NELL1: variants seen among roughly 807,000 people sequenced by gnomAD.
NELL1 encodes the protein protein kinase C-binding protein NELL1.
In NELL1, 76 loss-of-function variants were observed where a neutral mutation model predicts 107.4. The observed-to-expected ratio is 0.71, with a 90% CI of 0.59 to 0.86. NELL1 has a LOEUF of 0.86. Ranked by LOEUF, NELL1 falls within the 40% of genes least tolerant of loss-of-function variation. The probability of loss-of-function intolerance (pLI) is 0.00; values close to 1 mark genes in which losing one functional copy is unlikely to be tolerated. For missense variants in NELL1, 1,024 were observed against 1,005.5 expected, an observed-to-expected ratio of 1.02 and a Z score of -0.25; for synonymous variants, 353 against 341.2, an observed-to-expected ratio of 1.03 and a Z score of -0.38.
chr11:21,524,568 T>G (rs979465505), intron 15 of NELL1, among the ~76,000 whole-genome samples: 7 of 152,010 alleles, frequency 4.6e-5, no homozygotes, highest in African/African-American at 1.4e-4. Flanking sequence ...TCAAATTCAA[T>G]GGAATATGGA....
intron 16 of NELL1, among the ~76,000 whole-genome samples, chr11:21,545,153 T>C (rs1283175744): frequency 1.3e-5 from 2 of 152,144 alleles, no homozygotes; most frequent in Middle Eastern, 3.4e-3. Context: ...TTGACAAACA[T>C]ATTTCTTTTT....
At chr11:21,401,376 A>G (rs754137840) in intron 15 of NELL1, among the ~76,000 whole-genome samples, 1 of 151,912 alleles carries the variant, frequency 6.6e-6, no homozygotes, top group Non-Finnish European at 1.5e-5. Context: ...TTTGAGAAAT[A>G]TGAAATGGCA....
At position 20,887,968 on chromosome 11, in the gene NELL1, T is replaced by C. The variant is rs533959926; in HGVS notation, c.603+2428T>C. On this transcript the variant is annotated intron_variant, in intron 5 of 19. Coordinates refer to ENST00000357134, the MANE Select transcript of NELL1 (RefSeq NM_006157.5). ...AAATGAAATTAGCAGGTAAAGAATT[T>C]TTTTTTAATTTTTTAAAAAACTTCT... Among the ~76,000 whole-genome samples the C allele has an allele frequency of 5.9e-5, 9 of 152,246 alleles. 1 individual carries two copies. In the South Asian group the frequency reaches 1.9e-3, roughly 32 times the overall value.
chr11:21,188,897 C>A (rs1856990154), intron 13 of NELL1, among the ~76,000 whole-genome samples: 1 of 151,800 alleles, frequency 6.6e-6, no homozygotes, highest in African/African-American at 2.4e-5. Context: ...ATATTGGACC[C>A]ATCATTGAAT....
At position 21,560,271 on chromosome 11, in the gene NELL1, C is replaced by T. The variant is rs1856817358; in HGVS notation, c.1869C>T (p.Leu623=). Residue 623 remains leucine (L), a synonymous_variant, in exon 17 of 20, where the codon CTC becomes CTT. Coordinates refer to ENST00000357134, the MANE Select transcript of NELL1 (RefSeq NM_006157.5). The part of the protein sequence containing the change: ...CINLAGGFDC[L]CPSGPSCSGD... ...ACCTGGCAGGGGGCTTTGACTGTCT[C>T]TGCCCCTCTGGGCCCTCCTGCTCTG... 6.2e-7 allele frequency: 1 copy of T among 1,613,610 alleles called. No individual in the cohort carries two copies. The highest frequency in any genetic ancestry group is 8.5e-7 in the Non-Finnish European group (1 of 1,179,732).
intron 4 of NELL1, among the ~76,000 whole-genome samples, chr11:20,875,147 C>T (rs1479786152): frequency 3.3e-5 from 5 of 152,124 alleles, no homozygotes; most frequent in Admixed American, 1.3e-4. Context: ...GATCTTAGCT[C>T]GCTGTTGACC....
At chr11:21,568,211 AAC>A (rs1857016388) in intron 17 of NELL1, among the ~76,000 whole-genome samples, 1 of 151,878 alleles carries the variant, frequency 6.6e-6, no homozygotes, top group Non-Finnish European at 1.5e-5. Context: ...AGGCAATTGT[AAC>A]ACAGTGGTGA....
chr11:21,249,402 T>A (rs1251382790), intron 14 of NELL1, among the ~76,000 whole-genome samples: 1 of 152,156 alleles, frequency 6.6e-6, no homozygotes, highest in Non-Finnish European at 1.5e-5. Context: ...AGGTTTTTTT[T>A]TCTTATTCAC....
At chr11:20,677,171 T>C (rs764690010) in intron 1 of NELL1, among the ~76,000 whole-genome samples, 4 of 152,182 alleles carry the variant, frequency 2.6e-5, no homozygotes, top group Non-Finnish European at 4.4e-5. Flanking sequence ...TATATATCCA[T>C]TATTCCAGGG....
intron 14 of NELL1, among the ~76,000 whole-genome samples, chr11:21,269,431 A>G (rs978163327): frequency 6.6e-6 from 1 of 151,888 alleles, no homozygotes; most frequent in Non-Finnish European, 1.5e-5. Flanking sequence ...ACCAAAGATA[A>G]AAATTCTTGA....
At chr11:21,056,985 A>G (rs1353857043) in intron 12 of NELL1, among the ~76,000 whole-genome samples, 3 of 152,054 alleles carry the variant, frequency 2.0e-5, no homozygotes, top group Non-Finnish European at 2.9e-5. Context: ...AAAACAAAAA[A>G]AATGAAGAAA....
At chr11:20,928,923 AGGAACTTCC>A (rs1027902861) in intron 9 of NELL1, among the ~76,000 whole-genome samples, 6 of 152,192 alleles carry the variant, frequency 3.9e-5, no homozygotes, top group Non-Finnish European at 8.8e-5. Flanking sequence ...GGCCTTTGTT[AGGAACTTCC>A]GGATGAAATT....
chr11:20,987,000 C>A (rs1468935381), intron 12 of NELL1, among the ~76,000 whole-genome samples: 1 of 152,032 alleles, frequency 6.6e-6, no homozygotes, highest in Non-Finnish European at 1.5e-5. Flanking sequence ...AGAATTATTT[C>A]AGAAGAAAAC....
chr11:21,233,046 T>C (rs1670657), intron 14 of NELL1, among the ~76,000 whole-genome samples: 152,211 of 152,366 alleles, frequency 1, 76,029 homozygotes, highest in Non-Finnish European at 1. Flanking sequence ...TAGAAGTAAA[T>C]AGTTAACATG....
At chr11:21,553,820 C>T (rs941518463) in intron 16 of NELL1, among the ~76,000 whole-genome samples, 15 of 151,788 alleles carry the variant, frequency 9.9e-5, no homozygotes, top group African/African-American at 3.6e-4. Flanking sequence ...TACAAGAAAA[C>T]ATAAAGCCAA....
At chr11:21,406,779 A>G (rs1482240445) in intron 15 of NELL1, among the ~76,000 whole-genome samples, 3 of 152,032 alleles carry the variant, frequency 2.0e-5, no homozygotes, top group Non-Finnish European at 4.4e-5. Flanking sequence ...ATCATATCAG[A>G]GTATTTAGGG....
intron 2 of NELL1, among the ~76,000 whole-genome samples, chr11:20,752,026 G>A (rs906341281): frequency 8.5e-5 from 13 of 152,134 alleles, no homozygotes; most frequent in African/African-American, 3.1e-4. Context: ...GTAAACAATA[G>A]CAGTCTTACT....
chr11:20,701,194 T>C lies in NELL1; in HGVS notation c.184+23134T>C, dbSNP rs185149554. On this transcript the variant is annotated intron_variant, in intron 2 of 19. Transcript: ENST00000357134. Reference sequence around the variant, plus strand: ...TGTTGTTTCTTGTCTTTTTAATAATTGCCATTCTAACTGGTGTGAGATGGT... The same window carrying C: ...TGTTGTTTCTTGTCTTTTTAATAATCGCCATTCTAACTGGTGTGAGATGGT... 5.9e-3 allele frequency among the ~76,000 whole-genome samples: 898 copies of C among 152,074 alleles called. 12 individuals are homozygous for C. The highest frequency in any genetic ancestry group is 0.029 in the Admixed American group (440 of 15,266).
intron 4 of NELL1, among the ~76,000 whole-genome samples, chr11:20,875,283 T>G (rs184639353): frequency 6.6e-6 from 1 of 152,334 alleles, no homozygotes; most frequent in East Asian, 1.9e-4. Context: ...TTTTTCCGTG[T>G]GAAATTTCAT....
Sources: allele counts gnomAD v4.1 joint callset (sites outside exome capture counted in the v4.1 genomes callset), GRCh38; gene constraint gnomAD v4.1.1; transcripts MANE v1.5; gene names NCBI Gene and HGNC (gene_info 2026-07-23, HGNC 2026-07-21).